The following IL10RB variants were observed in gnomAD, a reference collection of about 807,000 sequenced individuals.
IL10RB encodes the protein interleukin-10 receptor subunit beta.
Under a neutral mutation model 38.7 loss-of-function variants are expected in IL10RB, and 30 were observed. The ratio of observed to expected loss-of-function variants is 0.78; its 90% CI spans 0.58 to 1.05. IL10RB has a LOEUF of 1.05. Ranked by LOEUF, IL10RB falls within the 50% of genes least tolerant of loss-of-function variation. IL10RB has a pLI of 0.00. For synonymous variants in IL10RB, 142 were observed against 145.9 expected, an observed-to-expected ratio of 0.97 and a Z score of 0.19; for missense variants, 328 against 397.1, an observed-to-expected ratio of 0.83 and a Z score of 1.48.
At chr21:33,293,144 G>A (rs1989522475) in intron 6 of IL10RB, among the ~76,000 whole-genome samples, 1 of 152,210 alleles carries the variant, frequency 6.6e-6, no homozygotes, top group South Asian at 2.1e-4. Flanking sequence ...GCAGGTCCCT[G>A]AATCTCTACA....
chr21:33,302,273 A>G (rs1420329198), intron 1 of IL10RB, among the ~76,000 whole-genome samples: 1 of 152,230 alleles, frequency 6.6e-6, no homozygotes, highest in African/African-American at 2.4e-5. Flanking sequence ...TCATCCAGGG[A>G]GCTGCCAATC....
intron 1 of IL10RB, among the ~76,000 whole-genome samples, chr21:33,304,284 A>G (rs1355304845): frequency 6.6e-6 from 1 of 152,222 alleles, no homozygotes; most frequent in Non-Finnish European, 1.5e-5. Flanking sequence ...TCTGGAGGAA[A>G]AAAGGACCCA....
rs367749765 is a variant in IL10RB, at chr21:33,275,276, C to T, written c.174-1320C>T. 4.6e-5 allele frequency among the ~76,000 whole-genome samples: 7 copies of T among 151,870 alleles called. No homozygotes were observed. In the South Asian group the frequency reaches 6.2e-4, roughly 14 times the overall value. On this transcript the variant is annotated intron_variant, in intron 2 of 6. Coordinates refer to ENST00000290200, the MANE Select transcript of IL10RB (RefSeq NM_000628.5). ...GTTCAAGTGATTCTCCTGCCTCAAC[C>T]TCCTGAGTAGCTGAGATTACAGGTG...
At chr21:33,284,268 C>T (rs1277585042) in intron 5 of IL10RB, among the ~76,000 whole-genome samples, 3 of 147,170 alleles carry the variant, frequency 2.0e-5, no homozygotes, top group Non-Finnish European at 4.5e-5. Flanking sequence ...TGCACTCCAG[C>T]CTAAGCAATA....
intron 1 of IL10RB, among the ~76,000 whole-genome samples, chr21:33,302,837 G>A (rs964099161): frequency 2.0e-5 from 3 of 152,192 alleles, no homozygotes; most frequent in South Asian, 4.1e-4. Flanking sequence ...TGAGGAGTCC[G>A]GCTCCTAGTT....
At chr21:33,290,310 TTA>T (rs141131519) in intron 6 of IL10RB, among the ~76,000 whole-genome samples, 1 of 151,400 alleles carries the variant, frequency 6.6e-6, no homozygotes, top group Non-Finnish European at 1.5e-5. Flanking sequence ...ATTTTAAAAT[TTA>T]TATATATATA....
chr21:33,269,901 A>G (rs1415571679), intron 2 of IL10RB, among the ~76,000 whole-genome samples: 1 of 151,906 alleles, frequency 6.6e-6, no homozygotes, highest in African/African-American at 2.4e-5. Flanking sequence ...CTCATGATCC[A>G]CCCACCTCGG....
intron 5 of IL10RB, among the ~76,000 whole-genome samples, chr21:33,284,488 T>C (rs1989338629): frequency 6.6e-6 from 1 of 152,200 alleles, no homozygotes; most frequent in South Asian, 2.1e-4. Flanking sequence ...AAGTTTTCAA[T>C]GAGAGCATTA....
intron 6 of IL10RB, among the ~76,000 whole-genome samples, chr21:33,291,351 C>T (rs567159934): frequency 7.9e-5 from 12 of 152,162 alleles, no homozygotes; most frequent in Middle Eastern, 3.4e-3. Context: ...GTGCAAGCTC[C>T]GCCTCCTGGG....
downstream of IL10RB, among the ~76,000 whole-genome samples, chr21:33,297,430 T>TAAA (rs547883241): frequency 3.2e-3 from 454 of 142,254 alleles, 2 homozygotes; most frequent in African/African-American, 0.011. Context: ...GATCCGTTAT[T>TAAA]AAAAAAAAAA....
chr21:33,284,211 G>A (rs953778042), intron 5 of IL10RB, among the ~76,000 whole-genome samples: 2 of 150,676 alleles, frequency 1.3e-5, no homozygotes, highest in South Asian at 2.1e-4. Flanking sequence ...TGGGAGAATC[G>A]TTTGAACCCA....
At chr21:33,273,820 A>G (rs1989123893) in intron 2 of IL10RB, among the ~76,000 whole-genome samples, 1 of 152,206 alleles carries the variant, frequency 6.6e-6, no homozygotes, top group Non-Finnish European at 1.5e-5. Flanking sequence ...TTCTTTGCTC[A>G]CTCATTAGAA....
intron 2 of IL10RB, among the ~76,000 whole-genome samples, chr21:33,270,598 T>C (rs1472185291): frequency 2.0e-5 from 3 of 151,746 alleles, no homozygotes; most frequent in Admixed American, 6.6e-5. Flanking sequence ...ATGGTCTTGA[T>C]CTCCTGACCT....
chr21:33,275,869 T>C (rs1989161166), intron 2 of IL10RB, among the ~76,000 whole-genome samples: 1 of 152,250 alleles, frequency 6.6e-6, no homozygotes, highest in Non-Finnish European at 1.5e-5. Flanking sequence ...TTAATTTCAC[T>C]GTCTTATATA....
Position 33,294,370 on chromosome 21 carries a change from TGTGTGTGTGTGTGTGTGTGC to T in IL10RB, c.805-1795_805-1776del, listed in dbSNP as rs1027801546. Reference sequence around the variant, plus strand: ...TGATCTATTGAGCCAGCCACCAGTTTGTGTGTGTGTGTGTGTGTGCGTGTGTGTGTGTGTGTGTCCAACCG... The same window carrying T: ...TGATCTATTGAGCCAGCCACCAGTTTGTGTGTGTGTGTGTGTGTCCAACCG... On this transcript the variant is annotated intron_variant, in intron 6 of 6. Transcript: ENST00000290200. 4.1e-4 allele frequency among the ~76,000 whole-genome samples: 46 copies of T among 110,896 alleles called. No homozygotes were observed. In the South Asian group the frequency reaches 7.2e-3, roughly 17 times the overall value. The allele number at this position is 110,896 out of a possible 152,430, so 72.8% of individuals were successfully genotyped here. A position where few individuals can be genotyped will look rare whatever the true frequency, so the allele number is the denominator to read the frequency against.
chr21:33,290,508 GA>G (rs1169556947), intron 6 of IL10RB, among the ~76,000 whole-genome samples: 11 of 152,164 alleles, frequency 7.2e-5, no homozygotes, highest in Non-Finnish European at 2.9e-5. Flanking sequence ...CAAGGCCAGG[GA>G]GCAGCGGTTT....
chr21:33,294,183 A>C (rs1347346627), intron 6 of IL10RB: 5 of 387,990 alleles, frequency 1.3e-5, no homozygotes, highest in Non-Finnish European at 2.6e-5. Context: ...GGGCCAGGCA[A>C]CTACGGAGCA....
intron 6 of IL10RB, among the ~76,000 whole-genome samples, chr21:33,290,688 T>C (rs1200988607): frequency 1.3e-5 from 2 of 152,204 alleles, no homozygotes. Flanking sequence ...AGGTGTCATC[T>C]CCAAGCTGGC....
chr21:33,309,837 T>A (rs1295799190), exon 2 of IL10RB: 1 of 152,222 alleles, frequency 6.6e-6, no homozygotes, highest in Non-Finnish European at 1.5e-5. Flanking sequence ...TGTTTTGTAG[T>A]GGACTTCATG....
Sources: allele counts gnomAD v4.1 joint callset (sites outside exome capture counted in the v4.1 genomes callset), GRCh38; gene constraint gnomAD v4.1.1; transcripts MANE v1.5; gene names NCBI Gene and HGNC (gene_info 2026-07-23, HGNC 2026-07-21).